The following TVP23B variants were observed in gnomAD, a reference collection of about 807,000 sequenced individuals.
The protein encoded by TVP23B is trans-golgi network vesicle protein 23 homolog B, also known as Golgi apparatus membrane protein TVP23 homolog B.
Under a neutral mutation model 30.6 loss-of-function variants are expected in TVP23B, and 10 were observed. That is an observed-to-expected ratio of 0.33 (90% confidence interval 0.20 to 0.55). The LOEUF is 0.55. Among genes scored for constraint, TVP23B ranks in the 20% least tolerant of loss-of-function variants. The pLI is 0.91. For synonymous variants in TVP23B, 67 were observed against 83.1 expected, an observed-to-expected ratio of 0.81 and a Z score of 1.06; for missense variants, 153 against 243.2, an observed-to-expected ratio of 0.63 and a Z score of 2.47.
intron 5 of TVP23B, among the ~76,000 whole-genome samples, chr17:18,800,622 C>A (rs186373395): frequency 3.3e-5 from 5 of 151,930 alleles, no homozygotes; most frequent in Non-Finnish European, 7.4e-5. Flanking sequence ...TGTAATCTCT[C>A]CTCATAAGGT....
chr17:18,794,737 T>C (rs187235929), intron 3 of TVP23B, among the ~76,000 whole-genome samples: 1 of 150,990 alleles, frequency 6.6e-6, no homozygotes, highest in Non-Finnish European at 1.5e-5. Flanking sequence ...AAAATACCTA[T>C]AGAAGAGACC....
chr17:18,798,583 G>A (rs56088506), intron 4 of TVP23B, among the ~76,000 whole-genome samples: 33,635 of 151,956 alleles, frequency 0.22, 4,205 homozygotes, highest in East Asian at 0.55. Context: ...ACTGTCATGA[G>A]TTGTGGTAAA....
intron 3 of TVP23B, among the ~76,000 whole-genome samples, chr17:18,793,976 T>A (rs930893275): frequency 6.6e-6 from 1 of 152,006 alleles, no homozygotes; most frequent in South Asian, 2.1e-4. Context: ...AGATGAGATA[T>A]GGATCAGAGT....
At chr17:18,786,927 C>A (rs1597614625) in intron 1 of TVP23B, among the ~76,000 whole-genome samples, 1 of 149,760 alleles carries the variant, frequency 6.7e-6, no homozygotes, top group Non-Finnish European at 1.5e-5. Flanking sequence ...CTCCAGTGCC[C>A]TGTAGTAGGA....
chr17:18,789,482 T>C, intron 2 of TVP23B, 47 bp downstream of exon 2: 1 of 1,613,426 alleles, frequency 6.2e-7, no homozygotes, highest in Non-Finnish European at 8.5e-7. Context: ...CCAGTGCTGT[T>C]CTGTATGTAT....
intron 3 of TVP23B, among the ~76,000 whole-genome samples, chr17:18,795,040 T>G (rs1173343629): frequency 6.9e-6 from 1 of 145,276 alleles, no homozygotes; most frequent in African/African-American, 2.7e-5. Context: ...TTTTTTTTTT[T>G]TTTGAGACAA....
intron 5 of TVP23B, among the ~76,000 whole-genome samples, chr17:18,801,556 C>T (rs1373899090): frequency 6.6e-6 from 1 of 152,086 alleles, no homozygotes; most frequent in Non-Finnish European, 1.5e-5. Context: ...ACTTGCCAGG[C>T]TCTTGCTCTC....
chr17:18,795,529 C>T (rs1013724606), intron 3 of TVP23B, among the ~76,000 whole-genome samples: 6 of 152,150 alleles, frequency 3.9e-5, no homozygotes, highest in African/African-American at 1.4e-4. Context: ...TTCTTCCTCC[C>T]ACATCACCTT....
Position 18,798,868 on chromosome 17 carries a change from G to A in TVP23B, c.387G>A (p.Leu129=). 1 of 1,613,724 alleles carries A rather than the reference G, an allele frequency of 6.2e-7. No individual in the cohort carries two copies. The highest frequency in any genetic ancestry group is 2.2e-5 in the East Asian group (1 of 44,808). The change falls in exon 5 of 7, where the codon TTG becomes TTA. Residue 129 remains leucine, a synonymous_variant. Transcript: ENST00000307767. Reference sequence around the variant, plus strand: ...AGGCTGAATCAAGAATCTTTTGGTTGGGACTTATTGCCTGTCCAGTACTGT... The same window carrying A: ...AGGCTGAATCAAGAATCTTTTGGTTAGGACTTATTGCCTGTCCAGTACTGT... The part of the protein sequence containing the change: ...VSEAESRIFW[L]GLIACPVLWV...
chr17:18,794,955 C>T (rs2036051739), intron 3 of TVP23B, among the ~76,000 whole-genome samples: 1 of 149,764 alleles, frequency 6.7e-6, no homozygotes, highest in East Asian at 2.0e-4. Flanking sequence ...CCTCACAACT[C>T]AAGGCCTCTC....
chr17:18,805,966 A>G lies in TVP23B; in HGVS notation c.*399A>G, dbSNP rs569012213. On this transcript the variant is annotated 3_prime_UTR_variant, in exon 7 of 7. Transcript: ENST00000307767. ...CTGTCTCAAAGCTCTATATGTTTACATATTATTTCTGTAGATTGTTTTCAG... is the reference window on the plus strand; with the variant it reads ...CTGTCTCAAAGCTCTATATGTTTACGTATTATTTCTGTAGATTGTTTTCAG... 250 of 977,240 alleles carry G rather than the reference A, an allele frequency of 2.6e-4. 1 individual carries two copies. In the South Asian group the frequency reaches 0.011, roughly 41 times the overall value. 60.5% of individuals were successfully genotyped at this position (977,240 alleles called of 1,614,324 possible).
intron 1 of TVP23B, among the ~76,000 whole-genome samples, chr17:18,785,523 G>T (rs193249289): frequency 9.2e-5 from 14 of 151,882 alleles, no homozygotes; most frequent in African/African-American, 3.1e-4. Flanking sequence ...TAGGTAATAT[G>T]AACCATAAGT....
chr17:18,798,499 T>C (rs1465645009), intron 4 of TVP23B, among the ~76,000 whole-genome samples: 1 of 152,100 alleles, frequency 6.6e-6, no homozygotes, highest in African/African-American at 2.4e-5. Flanking sequence ...AAAGGTATCA[T>C]TTAGAGCTTC....
At chr17:18,790,705 A>G (rs1438315313) in intron 2 of TVP23B, among the ~76,000 whole-genome samples, 191 bp from the exon 3 acceptor site, 2 of 152,198 alleles carry the variant, frequency 1.3e-5, no homozygotes, top group African/African-American at 2.4e-5. Flanking sequence ...TTCTGTAACT[A>G]CAGGGCCTAG....
chr17:18,797,765 C>G, intron 4 of TVP23B, 97 bp downstream of exon 4: 1 of 1,074,764 alleles, frequency 9.3e-7, no homozygotes. Flanking sequence ...ATTAAAAACA[C>G]TATACCAAAT....
rs1015813582 is a variant in TVP23B, at chr17:18,805,406, G to T, written c.592-135G>T. The T allele has an allele frequency of 9.6e-6, 14 of 1,458,196 alleles. No homozygotes were observed. The African/African-American group carries it at 1.9e-4, about 19-fold the overall frequency. The allele number at this position is 1,458,196 out of a possible 1,614,324, so 90.3% of individuals were successfully genotyped here. On this transcript the variant is annotated intron_variant, in intron 6 of 6. Coordinates refer to ENST00000307767, the MANE Select transcript of TVP23B (RefSeq NM_016078.6). ...GCCTAGCATGTCTACTTTTTAATGTGATTGGGCCATTGTATGTAAGGTAAT... is the reference window on the plus strand; with the variant it reads ...GCCTAGCATGTCTACTTTTTAATGTTATTGGGCCATTGTATGTAAGGTAAT...
At chr17:18,785,385 C>CTTTTTTT (rs61537943) in intron 1 of TVP23B, among the ~76,000 whole-genome samples, 3 of 137,800 alleles carry the variant, frequency 2.2e-5, no homozygotes, top group Non-Finnish European at 4.6e-5. Flanking sequence ...AGCTATTTGT[C>CTTTTTTT]TTTTTTTTTT....
chr17:18,784,758 C>T (rs1400128932), intron 1 of TVP23B, among the ~76,000 whole-genome samples: 4 of 152,372 alleles, frequency 2.6e-5, no homozygotes, highest in South Asian at 2.1e-4. Context: ...TGTTTGGTTT[C>T]CAGGACACTA....
At chr17:18,784,145 AAAACAAAC>A (rs113876902) in intron 1 of TVP23B, among the ~76,000 whole-genome samples, 1 of 150,998 alleles carries the variant, frequency 6.6e-6, no homozygotes, top group East Asian at 2.0e-4. Flanking sequence ...ACTCCGTCTC[AAAACAAAC>A]AAACAAACAA....
Sources: allele counts gnomAD v4.1 joint callset (sites outside exome capture counted in the v4.1 genomes callset), GRCh38; gene constraint gnomAD v4.1.1; transcripts MANE v1.5; gene names NCBI Gene and HGNC (gene_info 2026-07-23, HGNC 2026-07-21).